APBA1: variants seen among roughly 807,000 people sequenced by gnomAD.
The protein encoded by APBA1 is amyloid beta precursor protein binding family A member 1, also known as amyloid-beta A4 precursor protein-binding family A member 1.
A neutral mutation model predicts 86.6 loss-of-function variants in APBA1; 55 were observed. The observed-to-expected ratio is 0.64, with a 90% confidence interval of 0.51 to 0.80. APBA1 has a LOEUF of 0.80. APBA1 is among the 30% of genes least tolerant of loss of function. APBA1 has a pLI of 0.00. For synonymous variants in APBA1, 511 were observed against 493.9 expected, an observed-to-expected ratio of 1.03 and a Z score of -0.46; for missense variants, 1,090 against 1,183.0, an observed-to-expected ratio of 0.92 and a Z score of 1.15.
At chr9:69,502,641 C>T (rs1260112128) in intron 2 of APBA1, among the ~76,000 whole-genome samples, 1 of 152,192 alleles carries the variant, frequency 6.6e-6, no homozygotes, top group East Asian at 1.9e-4. Flanking sequence ...TGACACTTTA[C>T]TGTGGATTCT....
intron 1 of APBA1, among the ~76,000 whole-genome samples, chr9:69,560,315 A>C (rs1248036507): frequency 6.6e-6 from 1 of 152,190 alleles, no homozygotes; most frequent in Admixed American, 6.5e-5. Context: ...GAGACTCTGC[A>C]TGGACTTTGT....
In APBA1 at chr9:69,495,476, T is replaced by C. The variant is rs575210579; in HGVS notation, c.1201-19333A>G. ...TGACCTCAGTACTCGTGTGAGTTGT[T>C]TCCAGTGTTGTTAGATACCCGAGTC... On this transcript the variant is annotated intron_variant, in intron 2 of 12. Coordinates refer to ENST00000265381, the MANE Select transcript of APBA1 (RefSeq NM_001163.4). 2.6e-4 allele frequency among the ~76,000 whole-genome samples: 39 copies of C among 152,130 alleles called. 1 individual carries two copies. Among genetic ancestry groups the C allele is most frequent in the Non-Finnish European group, 4.9e-4 (33 of 68,002 alleles).
intron 5 of APBA1, among the ~76,000 whole-genome samples, chr9:69,460,401 C>T (rs970807930): frequency 1.3e-5 from 2 of 152,164 alleles, no homozygotes; most frequent in Non-Finnish European, 2.9e-5. Context: ...CGAGGATTCC[C>T]GTGTGGAACC....
At chr9:69,566,804 C>T (rs1418617924) in intron 1 of APBA1, among the ~76,000 whole-genome samples, 1 of 152,140 alleles carries the variant, frequency 6.6e-6, no homozygotes, top group Non-Finnish European at 1.5e-5. Flanking sequence ...TGTCCCCTAC[C>T]TGCCCCACCC....
intron 1 of APBA1, among the ~76,000 whole-genome samples, chr9:69,631,626 AT>A (rs1217642413): frequency 3.3e-5 from 5 of 152,266 alleles, no homozygotes; most frequent in Non-Finnish European, 7.3e-5. Flanking sequence ...TTGCGGCACT[AT>A]TCACAATAGC....
chr9:69,581,639 G>A (rs1821914610), intron 1 of APBA1, among the ~76,000 whole-genome samples: 1 of 152,164 alleles, frequency 6.6e-6, no homozygotes, highest in South Asian at 2.1e-4. Context: ...ATGAGTGAAG[G>A]AAGGAGTCTT....
At chr9:69,621,447 A>G (rs1822816393) in intron 1 of APBA1, among the ~76,000 whole-genome samples, 1 of 152,178 alleles carries the variant, frequency 6.6e-6, no homozygotes, top group South Asian at 2.1e-4. Flanking sequence ...GAGTAAAAGC[A>G]TAAAAGCCAA....
intron 1 of APBA1, among the ~76,000 whole-genome samples, chr9:69,518,846 T>G (rs1836208554): frequency 6.6e-6 from 1 of 152,050 alleles, no homozygotes; most frequent in South Asian, 2.1e-4. Flanking sequence ...CACAGCAATT[T>G]CCTTCAAGCA....
In APBA1 at chr9:69,456,388, C is replaced by T. The variant is rs756781899; in HGVS notation, c.1647G>A (p.Ala549=). 36 of 1,612,356 alleles carry T rather than the reference C, an allele frequency of 2.2e-5. No homozygotes were observed. Among genetic ancestry groups the T allele is most frequent in the Middle Eastern group, 1.7e-4 (1 of 6,056 alleles). Reference sequence around the variant, plus strand: ...TCAGCACAACGATGTTCCCAATGTCCGCAATGTAGGAAATGGTCCTCAGAG... The same window carrying T: ...TCAGCACAACGATGTTCCCAATGTCTGCAATGTAGGAAATGGTCCTCAGAG... ...DHPLRTISYI[A]DIGNIVVLMA... is the part of the protein sequence containing the mutation. Residue 549 remains alanine, a synonymous_variant, in exon 8 of 13, where the codon GCG becomes GCA. Coordinates refer to ENST00000265381, the MANE Select transcript of APBA1 (RefSeq NM_001163.4).
At chr9:69,572,010 C>G (rs748670701) in intron 1 of APBA1, among the ~76,000 whole-genome samples, 19 of 152,198 alleles carry the variant, frequency 1.2e-4, no homozygotes, top group Middle Eastern at 3.2e-3. Context: ...TAAAACACAA[C>G]AGTGGATAAC....
chr9:69,486,853 T>A (rs1000062017), intron 2 of APBA1, among the ~76,000 whole-genome samples: 2 of 104,830 alleles, frequency 1.9e-5, no homozygotes, highest in Non-Finnish European at 4.3e-5. Flanking sequence ...GAGTAGATAT[T>A]TTTTTTTTCT....
intron 2 of APBA1, among the ~76,000 whole-genome samples, chr9:69,515,698 G>C (rs975913318): frequency 3.1e-4 from 38 of 121,462 alleles, no homozygotes; most frequent in African/African-American, 7.4e-4. Context: ...ACTGGGGGGG[G>C]GGGGGGCGGG....
At chr9:69,666,943 G>A (rs1350382485) in intron 1 of APBA1, among the ~76,000 whole-genome samples, 1 of 152,122 alleles carries the variant, frequency 6.6e-6, no homozygotes, top group Non-Finnish European at 1.5e-5. Flanking sequence ...TGTGACAAAT[G>A]TATATTGAAT....
intron 2 of APBA1, among the ~76,000 whole-genome samples, chr9:69,497,000 C>T (rs1835809573): frequency 6.6e-6 from 1 of 152,058 alleles, no homozygotes; most frequent in Non-Finnish European, 1.5e-5. Flanking sequence ...CTTAAAATCA[C>T]TAGTCAGACT....
At position 69,517,186 on chromosome 9, in the gene APBA1, C is replaced by T. The variant is rs748743036; in HGVS notation, c.25G>A (p.Glu9Lys). The change falls in exon 2 of 13, where the codon GAG (glutamate) becomes AAG (lysine). Residue 9 changes from glutamate to lysine, a missense_variant. Around this residue, in one of 6 missense-constraint regions of APBA1, gnomAD observed 678 missense variants for 647.1 expected, o/e 1.05. Coordinates refer to ENST00000265381, the MANE Select transcript of APBA1 (RefSeq NM_001163.4). ...GCCGCCTCGTCGGTCACCTCCACCT[C>T]CGCAGACCCCTCCAAGTGGTTCATG... MNHLEGSAEVEVTDEAAGG... is the reference protein window; with the variant it reads MNHLEGSAKVEVTDEAAGG... 1 of 1,535,976 alleles carries T rather than the reference C, an allele frequency of 6.5e-7. No homozygotes were observed. The highest frequency in any genetic ancestry group is 8.8e-7 in the Non-Finnish European group (1 of 1,141,384).
chr9:69,448,947 A>G (rs545653700), intron 10 of APBA1, among the ~76,000 whole-genome samples: 13 of 152,314 alleles, frequency 8.5e-5, no homozygotes, highest in Non-Finnish European at 1.8e-4. Flanking sequence ...AAGTATTCAC[A>G]TTTAATTTTC....
intron 1 of APBA1, among the ~76,000 whole-genome samples, 158 bp from the exon 2 acceptor site, chr9:69,517,437 A>G (rs185625662): frequency 6.6e-6 from 1 of 152,358 alleles, no homozygotes; most frequent in African/African-American, 2.4e-5. Context: ...CAGCACATAC[A>G]TAGCACGCAT....
intron 1 of APBA1, among the ~76,000 whole-genome samples, chr9:69,525,082 C>G (rs1564066698): frequency 6.6e-6 from 1 of 152,116 alleles, no homozygotes; most frequent in Admixed American, 6.5e-5. Context: ...GAACATACCT[C>G]AAAATAATAA....
At chr9:69,636,621 C>A (rs140974851) in intron 1 of APBA1, among the ~76,000 whole-genome samples, 4 of 151,694 alleles carry the variant, frequency 2.6e-5, no homozygotes. Flanking sequence ...CACAGTGAAA[C>A]CCCATCTCTA....
Sources: gnomAD v4.1 joint callset for allele counts (sites outside exome capture counted in the v4.1 genomes callset) on GRCh38, gnomAD v4.1.1 for gene constraint, gnomAD v4.1.1 regional missense constraint, MANE v1.5 for transcripts, NCBI Gene and HGNC (gene_info 2026-07-23, HGNC 2026-07-21) for gene names.